GRIA4: variants seen among roughly 807,000 people sequenced by gnomAD.
GRIA4 encodes glutamate ionotropic receptor AMPA type subunit 4, also known as glutamate receptor 4.
GRIA4 carries 34 observed loss-of-function variants against 104.0 expected under a neutral mutation model. That is an observed-to-expected ratio of 0.33 (90% CI 0.25 to 0.44). GRIA4 has a LOEUF of 0.44. Ranked by LOEUF, GRIA4 falls within the 20% of genes least tolerant of loss-of-function variation. The pLI is 1.00. For missense variants in GRIA4, 750 were observed against 1,096.5 expected (o/e 0.68, Z 4.46); for synonymous variants, 386 against 381.9 (o/e 1.01, Z -0.13).
At chr11:105,905,168 G>A (rs757010967) in intron 8 of GRIA4, 29 bp from the exon 9 acceptor site, 3 of 1,202,390 alleles carry the variant, frequency 2.5e-6, no homozygotes, top group Non-Finnish European at 3.7e-6. Context: ...AATTGCAAGT[G>A]AACACGTGTG....
intron 4 of GRIA4, among the ~76,000 whole-genome samples, chr11:105,778,556 T>G (rs1052683932): frequency 6.6e-6 from 1 of 151,952 alleles, no homozygotes; most frequent in Non-Finnish European, 1.5e-5. Context: ...AATACGAAAA[T>G]TAGCCGGGTG....
At chr11:105,610,495 G>C (rs1310527577) in intron 1 of GRIA4, 67 bp downstream of exon 1, 1 of 155,904 alleles carries the variant, frequency 6.4e-6, no homozygotes, top group Admixed American at 6.4e-5. Flanking sequence ...GTGCGCGCTC[G>C]AGGAGGGGAC....
chr11:105,796,566 G>A (rs190932551), intron 4 of GRIA4, among the ~76,000 whole-genome samples: 122 of 152,224 alleles, frequency 8.0e-4, no homozygotes, highest in African/African-American at 2.8e-3. Context: ...TGCCATCAGT[G>A]TTCTGGTTTC....
At chr11:105,629,379 A>G (rs1423081364) in intron 3 of GRIA4, among the ~76,000 whole-genome samples, 1 of 152,088 alleles carries the variant, frequency 6.6e-6, no homozygotes, top group Non-Finnish European at 1.5e-5. Context: ...ATTAGGCAGA[A>G]TAGCTAAATG....
chr11:105,812,469 C>T (rs1368764203), intron 4 of GRIA4, among the ~76,000 whole-genome samples: 1 of 152,120 alleles, frequency 6.6e-6, no homozygotes, highest in African/African-American at 2.4e-5. Flanking sequence ...TTTTCTGTTA[C>T]CTACTACCAT....
At chr11:105,699,559 C>A (rs1953409658) in intron 3 of GRIA4, among the ~76,000 whole-genome samples, 1 of 151,810 alleles carries the variant, frequency 6.6e-6, no homozygotes, top group Non-Finnish European at 1.5e-5. Flanking sequence ...ACACATTCTA[C>A]TTTCTATTTT....
chr11:105,641,886 T>A (rs909800932), intron 3 of GRIA4, among the ~76,000 whole-genome samples: 8 of 152,294 alleles, frequency 5.3e-5, no homozygotes, highest in African/African-American at 1.9e-4. Context: ...GCACAGACTG[T>A]GGCTTAAACA....
At position 105,743,268 on chromosome 11, in the gene GRIA4, T is replaced by A. The variant is rs189488734; in HGVS notation, c.248-9713T>A. On this transcript the variant is annotated intron_variant, in intron 3 of 16. Coordinates refer to ENST00000282499, the MANE Select transcript of GRIA4 (RefSeq NM_000829.4). ...ATGATTCAGCATATGCTTACACTAC[T>A]TTAAAATAACCATTCAAATGTTAAC... 1.7e-4 allele frequency among the ~76,000 whole-genome samples: 26 copies of A among 152,288 alleles called. 1 individual carries two copies. The highest frequency in any genetic ancestry group is 1.2e-3 in the Admixed American group (18 of 15,288).
At chr11:105,861,229 C>T (rs968922137) in intron 4 of GRIA4, among the ~76,000 whole-genome samples, 73 of 152,254 alleles carry the variant, frequency 4.8e-4, no homozygotes, top group Non-Finnish European at 4.4e-5. Context: ...CACGCTCCTT[C>T]TCAACCTTCA....
In GRIA4 at chr11:105,910,502, C is replaced by T. The variant is rs1193160567; in HGVS notation, c.1226C>T (p.Thr409Ile). Residue 409 changes from threonine (T) to isoleucine (I), a missense_variant, in exon 10 of 17, where the codon ACA becomes ATA. Around this residue, in one of 3 missense-constraint regions of GRIA4, gnomAD observed 410 missense variants for 502.7 expected, o/e 0.82. Coordinates refer to ENST00000282499, the MANE Select transcript of GRIA4 (RefSeq NM_000829.4). ...GATGTACCAACTCTTGGCAATGACACAGCTGCTATTGAGAACAGAACAGTG... is the reference window on the plus strand; with the variant it reads ...GATGTACCAACTCTTGGCAATGACATAGCTGCTATTGAGAACAGAACAGTG... Reference protein sequence around the residue: ...IQDVPTLGNDTAAIENRTVVV... With the variant: ...IQDVPTLGNDIAAIENRTVVV... 1.9e-6 allele frequency: 3 copies of T among 1,597,316 alleles called. No individual in the cohort carries two copies. In the South Asian group the frequency reaches 3.3e-5, roughly 18 times the overall value.
At chr11:105,924,110 T>C (rs1276037652) in intron 11 of GRIA4, among the ~76,000 whole-genome samples, 4 of 152,138 alleles carry the variant, frequency 2.6e-5, no homozygotes, top group Non-Finnish European at 2.9e-5. Context: ...TAAAGACTAA[T>C]ACAGTAATTT....
intron 7 of GRIA4, among the ~76,000 whole-genome samples, chr11:105,901,733 T>G (rs7947024): frequency 6.6e-6 from 1 of 152,228 alleles, no homozygotes; most frequent in African/African-American, 2.4e-5. Context: ...TTTTTTCTGG[T>G]TCACATATTT....
At chr11:105,702,815 C>T (rs1953551181) in intron 3 of GRIA4, among the ~76,000 whole-genome samples, 1 of 150,552 alleles carries the variant, frequency 6.6e-6, no homozygotes, top group Non-Finnish European at 1.5e-5. Context: ...GTACCTCAGC[C>T]TCCCATGTAG....
intron 4 of GRIA4, among the ~76,000 whole-genome samples, chr11:105,769,232 C>T (rs930915743): frequency 1.3e-5 from 2 of 152,046 alleles, no homozygotes; most frequent in African/African-American, 2.4e-5. Flanking sequence ...GTACAGATAA[C>T]CATACAGCAA....
At chr11:105,944,626 A>G (rs1360359406) in intron 14 of GRIA4, among the ~76,000 whole-genome samples, 2 of 152,166 alleles carry the variant, frequency 1.3e-5, no homozygotes, top group East Asian at 3.9e-4. Flanking sequence ...ACTATGTAGC[A>G]CACCCATATA....
chr11:105,968,167 TATCCCAACAGTGAC>T (rs1858490786), intron 14 of GRIA4, among the ~76,000 whole-genome samples: 1 of 152,194 alleles, frequency 6.6e-6, no homozygotes, highest in African/African-American at 2.4e-5. Flanking sequence ...GAAAACTAAC[TATCCCAACAGTGAC>T]TCATCTAATG....
chr11:105,841,025 A>G (rs550144287), intron 4 of GRIA4, among the ~76,000 whole-genome samples: 52 of 152,292 alleles, frequency 3.4e-4, no homozygotes, highest in African/African-American at 1.2e-3. Flanking sequence ...TATTTATTTA[A>G]AAGCCCTACA....
In GRIA4 at chr11:105,979,928, A is replaced by C; in HGVS notation, c.*189A>C. 4.3e-6 allele frequency: 2 copies of C among 468,356 alleles called. No individual in the cohort carries two copies. Among genetic ancestry groups the C allele is most frequent in the Non-Finnish European group, 3.8e-6 (1 of 260,142 alleles). The allele number at this position is 468,356 out of a possible 1,614,324, so 29.0% of individuals were successfully genotyped here. A position where few individuals can be genotyped will look rare whatever the true frequency, so the allele number is the denominator to read the frequency against. On this transcript the variant is annotated 3_prime_UTR_variant, in exon 17 of 17. Transcript: ENST00000282499. ...GCATGAGCTCAGCTCGGAAACCCAA[A>C]CTCAGATTTTATATCAGGAAAACTC...
intron 4 of GRIA4, among the ~76,000 whole-genome samples, chr11:105,838,912 C>T (rs892634953): frequency 1.3e-5 from 2 of 152,152 alleles, no homozygotes; most frequent in African/African-American, 2.4e-5. Context: ...CTGACCACTC[C>T]GTGAAACTGA....
Sources: allele counts gnomAD v4.1 joint callset (sites outside exome capture counted in the v4.1 genomes callset), GRCh38; gene constraint gnomAD v4.1.1; regional missense constraint gnomAD v4.1.1; transcripts MANE v1.5; gene names NCBI Gene and HGNC (gene_info 2026-07-23, HGNC 2026-07-21).